Variants in DISP3 observed in about 807,000 individuals in gnomAD.
The protein encoded by DISP3 is protein dispatched homolog 3.
A neutral mutation model predicts 135.3 loss-of-function variants in DISP3; 101 were observed. The ratio of observed to expected loss-of-function variants is 0.75; its 90% confidence interval spans 0.64 to 0.88. The LOEUF is 0.88. Ranked by LOEUF, DISP3 falls within the 40% of genes least tolerant of loss-of-function variation. DISP3 has a pLI of 0.00. For missense variants in DISP3, 1,713 were observed against 1,878.6 expected (o/e 0.91, Z 1.63); for synonymous variants, 856 against 817.0 (o/e 1.05, Z -0.81).
At position 11,531,118 on chromosome 1, in the gene DISP3, C is replaced by G. The variant is rs933337858; in HGVS notation, c.3229+85C>G. 6.4e-7 allele frequency: 1 copy of G among 1,571,664 alleles called. No individual in the cohort carries two copies. The highest frequency in any genetic ancestry group is 1.3e-5 in the African/African-American group (1 of 74,254). The stretch of plus-strand genomic sequence containing the variant: ...AGAGGCCGTGGTCCAAGGTAGACAG[C>G]CCGAAGGACAGTGTCTGGCATGTGG... On this transcript the variant is annotated intron_variant, in intron 16 of 20. Transcript: ENST00000294484. The surrounding 1 kb of genome is among the most constrained non-coding windows in gnomAD (Gnocchi z 5.2).
intron 1 of DISP3, among the ~76,000 whole-genome samples, chr1:11,480,082 C>T (rs1383106971): frequency 6.6e-6 from 1 of 151,664 alleles, no homozygotes; most frequent in African/African-American, 2.4e-5. Flanking sequence ...CGGGAGCCAA[C>T]CCCACCGCCG....
intron 19 of DISP3, 143 bp from the exon 20 acceptor site, chr1:11,535,335 C>A: frequency 8.2e-7 from 1 of 1,214,214 alleles, no homozygotes; most frequent in Non-Finnish European, 1.2e-6. Flanking sequence ...TGTTACTGCA[C>A]CTGTCCCCTC....
In DISP3 at chr1:11,483,112, G is replaced by A. The variant is rs1214819471; in HGVS notation, c.-4+3740G>A. Among the ~76,000 whole-genome samples, 1 of 152,260 alleles carries A rather than the reference G, an allele frequency of 6.6e-6. No homozygotes were observed. The highest frequency in any genetic ancestry group is 1.5e-5 in the Non-Finnish European group (1 of 68,046). On this transcript the variant is annotated intron_variant, in intron 1 of 20. Transcript: ENST00000294484. The surrounding 1 kb of genome is among the most constrained non-coding windows in gnomAD (Gnocchi z 5.4). The stretch of plus-strand genomic sequence containing the variant: ...CGGGACCAGTCCAGGGATGGCGGCA[G>A]AGCCTCCCCCAGTGAGCTCACTCTC...
Position 11,519,316 on chromosome 1 carries a change from G to A in DISP3, c.1890-39G>A. The A allele has an allele frequency of 6.2e-7, 1 of 1,601,712 alleles. No individual in the cohort carries two copies. The highest frequency in any genetic ancestry group is 1.1e-5 in the South Asian group (1 of 90,064). Reference sequence around the variant, plus strand: ...TGCCCCACCCTCCCTGGGTACCCAGGACCCTCTGGTTCACCCCTGTCCCCT... The same window carrying A: ...TGCCCCACCCTCCCTGGGTACCCAGAACCCTCTGGTTCACCCCTGTCCCCT... On this transcript the variant is annotated intron_variant, in intron 7 of 20. Coordinates refer to ENST00000294484, the MANE Select transcript of DISP3 (RefSeq NM_020780.2). The surrounding 1 kb of genome is among the most constrained non-coding windows in gnomAD (Gnocchi z 4.3).
chr1:11,501,230 C>G lies in DISP3; in HGVS notation c.238C>G (p.Leu80Val). 1 of 1,614,178 alleles carries G rather than the reference C, an allele frequency of 6.2e-7. No homozygotes were observed. The highest frequency in any genetic ancestry group is 8.5e-7 in the Non-Finnish European group (1 of 1,180,030). Residue 80 changes from leucine (L) to valine (V), a missense_variant, in exon 2 of 21, where the codon CTG (leucine) becomes GTG (valine). By Grantham distance (32) the Leu-to-Val change is conservative. Coordinates refer to ENST00000294484, the MANE Select transcript of DISP3 (RefSeq NM_020780.2). This position sits in a 1 kb window ranked among gnomAD's most constrained non-coding sequence, Gnocchi z 4.9. ...NPCCAGLVLF[L>V]GCSIPMALSA... ...GTGCTGTGCTGGGCTGGTGCTCTTC[C>G]TGGGCTGCAGCATCCCCATGGCCCT...
In DISP3 at chr1:11,490,289, T is replaced by C. The variant is rs551491594; in HGVS notation, c.-3-10701T>C. On this transcript the variant is annotated intron_variant, in intron 1 of 20. Transcript: ENST00000294484. ...TTTGTTTTTGTTTTTGTTTTTGGGATGATGTTTCGCTCTTGTTGCCCAGGC... is the reference window on the plus strand; with the variant it reads ...TTTGTTTTTGTTTTTGTTTTTGGGACGATGTTTCGCTCTTGTTGCCCAGGC... 1.6e-4 allele frequency among the ~76,000 whole-genome samples: 24 copies of C among 152,258 alleles called. 1 individual carries two copies. The South Asian group carries it at 5.0e-3, about 32-fold the overall frequency.
chr1:11,523,387 G>A (rs143673284), intron 10 of DISP3, among the ~76,000 whole-genome samples: 2 of 152,170 alleles, frequency 1.3e-5, no homozygotes, highest in East Asian at 1.9e-4. Context: ...TCCCACCCCC[G>A]AGGGAAGTGT....
intron 1 of DISP3, among the ~76,000 whole-genome samples, chr1:11,492,753 C>A (rs143888875): frequency 1.0e-3 from 154 of 152,250 alleles, no homozygotes; most frequent in African/African-American, 3.5e-3. Flanking sequence ...TTCCCTGGGG[C>A]TGGGGCAGGA....
At position 11,519,293 on chromosome 1, in the gene DISP3, C is replaced by A. The variant is rs1642100415; in HGVS notation, c.1890-62C>A. 10 of 1,552,660 alleles carry A rather than the reference C, an allele frequency of 6.4e-6. No homozygotes were observed. Among genetic ancestry groups the A allele is most frequent in the Non-Finnish European group, 8.8e-6 (10 of 1,133,646 alleles). On this transcript the variant is annotated intron_variant, in intron 7 of 20. Coordinates refer to ENST00000294484, the MANE Select transcript of DISP3 (RefSeq NM_020780.2). This position sits in a 1 kb window ranked among gnomAD's most constrained non-coding sequence, Gnocchi z 4.3. ...GGTTCATCTGATCCTCAGGGCCCTGCCCCACCCTCCCTGGGTACCCAGGAC... is the reference window on the plus strand; with the variant it reads ...GGTTCATCTGATCCTCAGGGCCCTGACCCACCCTCCCTGGGTACCCAGGAC...
At chr1:11,482,473 G>C (rs1170658330) in intron 1 of DISP3, among the ~76,000 whole-genome samples, 3 of 152,124 alleles carry the variant, frequency 2.0e-5, no homozygotes, top group African/African-American at 7.2e-5. Flanking sequence ...TCACAGATGA[G>C]CCAAATGAGA....
At chr1:11,532,760 C>T (rs886168945) in intron 17 of DISP3, among the ~76,000 whole-genome samples, 13 of 152,164 alleles carry the variant, frequency 8.5e-5, no homozygotes, top group African/African-American at 2.7e-4. Context: ...TGCAGTGGCA[C>T]GATCTTGGCT....
At chr1:11,528,127 A>G (rs1053419723) in intron 13 of DISP3, among the ~76,000 whole-genome samples, 1 of 152,182 alleles carries the variant, frequency 6.6e-6, no homozygotes, top group African/African-American at 2.4e-5. Context: ...GCACTCACCC[A>G]CACTCTAAAT....
chr1:11,506,998 G>A (rs1641721800), intron 3 of DISP3, among the ~76,000 whole-genome samples: 1 of 152,084 alleles, frequency 6.6e-6, no homozygotes, highest in Non-Finnish European at 1.5e-5. Context: ...TTTTGAGACA[G>A]CGTTTCACTA....
chr1:11,522,629 G>GCCCAGCCAGGA (rs1156427757), intron 10 of DISP3, among the ~76,000 whole-genome samples: 4,354 of 25,500 alleles, frequency 0.17, 1,088 homozygotes, highest in African/African-American at 0.27. Flanking sequence ...CCCAGCCAGA[G>GCCCAGCCAGGA]CCCAGCCAGA....
chr1:11,494,649 C>G (rs1204963817), intron 1 of DISP3, among the ~76,000 whole-genome samples: 2 of 152,140 alleles, frequency 1.3e-5, no homozygotes, highest in East Asian at 3.8e-4. Context: ...AAACTCTCGA[C>G]CCAAGGGTAA....
chr1:11,506,570 T>G (rs551156905), intron 3 of DISP3, among the ~76,000 whole-genome samples: 1 of 152,356 alleles, frequency 6.6e-6, no homozygotes, highest in African/African-American at 2.4e-5. Context: ...TTTTGAGAAT[T>G]TCCATTTGAA....
Position 11,502,706 on chromosome 1 carries a change from T to A in DISP3, c.1125T>A (p.Pro375=). The A allele has an allele frequency of 6.2e-7, 1 of 1,614,138 alleles. No homozygotes were observed. The change falls in exon 3 of 21, where the codon CCT becomes CCA. Residue 375 remains proline, a synonymous_variant. Coordinates refer to ENST00000294484, the MANE Select transcript of DISP3 (RefSeq NM_020780.2). ...CCCTGGAGCTGGCCATGACTCACCC[T>A]GAGTTCTACTGGTATGTGGATGAGG... The part of the protein sequence containing the change: ...RGSLELAMTH[P]EFYWYVDEGL...
rs772368870 is a variant in DISP3, at chr1:11,501,660, A to G, written c.668A>G (p.Asn223Ser). 8 of 1,608,560 alleles carry G rather than the reference A, an allele frequency of 5.0e-6. No individual in the cohort carries two copies. The highest frequency in any genetic ancestry group is 4.0e-5 in the African/African-American group (3 of 74,852). ...GCCAACCAGAGTGAAGACCCGCGAA[A>G]CCAGCGGCTGAGCAAGAATGGGCGG... ...LAANQSEDPR[N>S]QRLSKNGRYQ... Residue 223 changes from asparagine (N) to serine (S), a missense_variant, in exon 2 of 21, where the codon AAC becomes AGC. Around this residue, in one of 2 missense-constraint regions of DISP3, gnomAD observed 571 missense variants for 494.1 expected, o/e 1.16. Transcript: ENST00000294484. This position sits in a 1 kb window ranked among gnomAD's most constrained non-coding sequence, Gnocchi z 4.9.
Position 11,529,867 on chromosome 1 carries a change from C to G in DISP3, c.3010C>G (p.Leu1004Val). ...TGCGKPAVRP[L>V]VDTGAMVFVV... is the part of the protein sequence containing the mutation. ...CTGCGGGAAGCCGGCGGTGCGGCCACTAGTGGATACCGGGGCCATGGTCTT... is the reference window on the plus strand; with the variant it reads ...CTGCGGGAAGCCGGCGGTGCGGCCAGTAGTGGATACCGGGGCCATGGTCTT... Residue 1004 changes from leucine (L) to valine (V), a missense_variant, in exon 15 of 21, where the codon CTA becomes GTA. By Grantham distance (32) the Leu-to-Val change is conservative. This residue lies in a region of DISP3 where 1,142 missense variants were observed against 1,384.6 expected (regional missense o/e 0.82). Transcript: ENST00000294484. The surrounding 1 kb of genome is among the most constrained non-coding windows in gnomAD (Gnocchi z 4.7). 6.2e-7 allele frequency: 1 copy of G among 1,614,080 alleles called. No individual in the cohort carries two copies. The highest frequency in any genetic ancestry group is 8.5e-7 in the Non-Finnish European group (1 of 1,180,036).
Sources: allele counts gnomAD v4.1 joint callset (sites outside exome capture counted in the v4.1 genomes callset), GRCh38; gene constraint gnomAD v4.1.1; regional missense constraint gnomAD v4.1.1; non-coding constraint Gnocchi (gnomAD v3.1); transcripts MANE v1.5; gene names NCBI Gene and HGNC (gene_info 2026-07-23, HGNC 2026-07-21).